Variants in CAST observed in about 807,000 individuals in gnomAD.
CAST encodes the protein MIR583 host.
In CAST, 76 loss-of-function variants were observed where a neutral mutation model predicts 119.6. The observed-to-expected ratio is 0.64, with a 90% CI of 0.53 to 0.77. The LOEUF is 0.77. Ranked by LOEUF, CAST falls within the 30% of genes least tolerant of loss-of-function variation. CAST has a pLI of 0.00. For synonymous variants in CAST, 319 were observed against 331.6 expected (o/e 0.96, Z 0.41); for missense variants, 953 against 946.5 (o/e 1.01, Z -0.09).
chr5:96,432,162 G>A, the CAST span: 2 of 1,532,566 alleles, frequency 1.3e-6, no homozygotes, highest in South Asian at 2.4e-5. Flanking sequence ...GACTGGCCGG[G>A]CAAAGTTATG....
chr5:96,711,277 A>T (rs1034781251), intron 3 of CAST, among the ~76,000 whole-genome samples: 13 of 152,198 alleles, frequency 8.5e-5, no homozygotes, highest in Admixed American at 8.5e-4. Flanking sequence ...AAATTTGGGT[A>T]CCATTCAACT....
chr5:96,262,959 A>G, the CAST span, among the ~76,000 whole-genome samples: 5 of 152,102 alleles, frequency 3.3e-5, no homozygotes, highest in Non-Finnish European at 5.9e-5. Context: ...TTACACTTAC[A>G]GCCCCTTCTC....
At chr5:96,547,638 G>A (rs973988328) in intron 1 of CAST, among the ~76,000 whole-genome samples, 1 of 152,110 alleles carries the variant, frequency 6.6e-6, no homozygotes, top group African/African-American at 2.4e-5. Flanking sequence ...CTTTTAACTC[G>A]GAGTAGTTGA....
chr5:96,767,081 T>C (rs1250919119), intron 27 of CAST, among the ~76,000 whole-genome samples: 1 of 152,252 alleles, frequency 6.6e-6, no homozygotes, highest in Non-Finnish European at 1.5e-5. Flanking sequence ...GATGACTTTC[T>C]AAGTGTAATA....
chr5:96,049,924 G>GA, the CAST span, among the ~76,000 whole-genome samples: 1 of 73,088 alleles, frequency 1.4e-5, no homozygotes, highest in Non-Finnish European at 2.9e-5. Flanking sequence ...AAAAGAAAAA[G>GA]AAAAAAAGGA....
At chr5:96,478,806 T>C in the CAST span, among the ~76,000 whole-genome samples, 4 of 152,184 alleles carry the variant, frequency 2.6e-5, no homozygotes, top group African/African-American at 4.8e-5. Flanking sequence ...AACCATAAAA[T>C]GGGCACTGAC....
At chr5:96,566,281 C>G (rs1160633557) in intron 1 of CAST, among the ~76,000 whole-genome samples, 3 of 152,162 alleles carry the variant, frequency 2.0e-5, no homozygotes, top group African/African-American at 7.2e-5. Context: ...TGGAATTTGT[C>G]TGAATCATAT....
At chr5:96,260,873 A>G in the CAST span, among the ~76,000 whole-genome samples, 1 of 152,376 alleles carries the variant, frequency 6.6e-6, no homozygotes, top group Admixed American at 6.5e-5. Flanking sequence ...TGACCAAGTC[A>G]GTGTCTAAAA....
chr5:96,050,108 G>A, the CAST span: 1 of 152,232 alleles, frequency 6.6e-6, no homozygotes, highest in African/African-American at 2.4e-5. Context: ...AGTAACGATG[G>A]GGAGGGAGAA....
chr5:96,524,326 T>C (rs1318444674), upstream of CAST, among the ~76,000 whole-genome samples: 1 of 152,214 alleles, frequency 6.6e-6, no homozygotes, highest in Non-Finnish European at 1.5e-5. Flanking sequence ...TTTCAAGGCA[T>C]AAGCTCAGGA....
At chr5:96,469,729 G>A in the CAST span, among the ~76,000 whole-genome samples, 2 of 151,394 alleles carry the variant, frequency 1.3e-5, no homozygotes, top group Admixed American at 6.6e-5. Context: ...CTAGTTGGAT[G>A]ATACAATGTG....
the CAST span, among the ~76,000 whole-genome samples, chr5:96,257,707 T>C: frequency 6.6e-6 from 1 of 152,228 alleles, no homozygotes; most frequent in Non-Finnish European, 1.5e-5. Context: ...ATTGATTCAT[T>C]GGTAACTGCT....
At chr5:96,326,476 G>A in the CAST span, among the ~76,000 whole-genome samples, 2 of 151,986 alleles carry the variant, frequency 1.3e-5, no homozygotes, top group African/African-American at 2.4e-5. Flanking sequence ...AATTTTATCT[G>A]TCAAACTCCT....
intron 4 of CAST, among the ~76,000 whole-genome samples, chr5:96,723,134 T>G (rs1758616435): frequency 6.6e-6 from 1 of 151,952 alleles, no homozygotes; most frequent in Admixed American, 6.6e-5. Context: ...GTTTGTTTGT[T>G]TGTTTGTTTT....
chr5:96,440,174 CT>C, the CAST span, among the ~76,000 whole-genome samples: 68,788 of 143,108 alleles, frequency 0.48, 16,133 homozygotes, highest in African/African-American at 0.56. Context: ...TTTATCCCAC[CT>C]TTTTTTTTTT....
chr5:96,298,890 G>GTGTGTGTGTA, the CAST span, among the ~76,000 whole-genome samples: 8 of 151,940 alleles, frequency 5.3e-5, no homozygotes, highest in East Asian at 1.5e-3. Context: ...GTGTGTGTGT[G>GTGTGTGTGTA]TGTGTGTGCC....
the CAST span, among the ~76,000 whole-genome samples, chr5:96,133,868 C>T: frequency 1.3e-5 from 2 of 152,170 alleles, no homozygotes; most frequent in East Asian, 1.9e-4. Context: ...GTTCTGCTCA[C>T]TCAACTTCCC....
At chr5:96,721,027 T>C (rs980262801) in intron 3 of CAST, among the ~76,000 whole-genome samples, 2 of 152,228 alleles carry the variant, frequency 1.3e-5, no homozygotes, top group Non-Finnish European at 2.9e-5. Flanking sequence ...TTAAGCACCA[T>C]AATGTTTTAA....
intron 1 of CAST, among the ~76,000 whole-genome samples, chr5:96,562,960 G>A (rs1368930428): frequency 1.4e-5 from 2 of 144,476 alleles, no homozygotes; most frequent in Non-Finnish European, 3.1e-5. Flanking sequence ...TCCTGAAGGA[G>A]GTCATAAAAC....
Sources: allele counts gnomAD v4.1 joint callset (sites outside exome capture counted in the v4.1 genomes callset), GRCh38; gene constraint gnomAD v4.1.1; transcripts MANE v1.5; gene names NCBI Gene and HGNC (gene_info 2026-07-23, HGNC 2026-07-21).